NIT1: variants seen among roughly 807,000 people sequenced by gnomAD.
NIT1 encodes deaminated glutathione amidase.
NIT1 carries 30 observed loss-of-function variants against 36.8 expected under a neutral mutation model. That is an observed-to-expected ratio of 0.82 (90% CI 0.61 to 1.11). The LOEUF (loss-of-function observed/expected upper bound fraction) is 1.11, where lower values mean the gene tolerates loss of function less well. NIT1 is among the 50% of genes least tolerant of loss of function. The pLI is 0.00. For missense variants in NIT1, 438 were observed against 410.6 expected, an observed-to-expected ratio of 1.07 and a Z score of -0.58; for synonymous variants, 151 against 155.6, an observed-to-expected ratio of 0.97 and a Z score of 0.22.
chr1:161,118,336 G>A, intron 1 of NIT1, 158 bp downstream of exon 1: 1 of 1,526,094 alleles, frequency 6.6e-7, no homozygotes, highest in Non-Finnish European at 8.8e-7. Context: ...TGGGGCCTGG[G>A]TTCCTTTGCC....
Position 161,119,193 on chromosome 1 carries a change from A to G in NIT1, c.158A>G (p.Gln53Arg). The change falls in exon 3 of 7, where the codon CAG becomes CGG. Residue 53 changes from glutamine to arginine, a missense_variant. Coordinates refer to ENST00000368009, the MANE Select transcript of NIT1 (RefSeq NM_005600.3). ...GAACTGCCCCTGGTGGCTGTGTGCC[A>G]GGTAACATCGACGCCAGACAAGCAA... ...SCELPLVAVC[Q>R]VTSTPDKQQN... 6.2e-6 allele frequency: 10 copies of G among 1,614,182 alleles called. No homozygotes were observed. Among genetic ancestry groups the G allele is most frequent in the Non-Finnish European group, 7.6e-6 (9 of 1,180,036 alleles).
downstream of NIT1, chr1:161,122,959 G>T: frequency 1.3e-6 from 2 of 1,596,954 alleles, no homozygotes; most frequent in Non-Finnish European, 1.7e-6. This position sits in a 1 kb window ranked among gnomAD's most constrained non-coding sequence, Gnocchi z 4.2. Flanking sequence ...GCCTCACTTT[G>T]CAATGGCAAT....
chr1:161,122,673 G>T, downstream of NIT1: 2 of 1,106,476 alleles, frequency 1.8e-6, no homozygotes, highest in Non-Finnish European at 2.5e-6. This position sits in a 1 kb window ranked among gnomAD's most constrained non-coding sequence, Gnocchi z 4.2. Flanking sequence ...CTATTTCTAT[G>T]TATCTCTGAA....
In NIT1 at chr1:161,119,868, T is replaced by A. The variant is rs1196076882; in HGVS notation, c.507T>A (p.Ile169=). The A allele has an allele frequency of 1.2e-6, 2 of 1,612,918 alleles. No individual in the cohort carries two copies. Among genetic ancestry groups the A allele is most frequent in the Admixed American group, 3.3e-5 (2 of 59,870 alleles). Residue 169 remains isoleucine, a synonymous_variant, in exon 5 of 7, where the codon ATT becomes ATA. Transcript: ENST00000368009. ...YRKTHLCDVE[I]PGQGPMCESN... is the part of the protein sequence containing the mutation. ...AGACACATCTGTGTGACGTAGAGAT[T>A]CCAGGGCAGGGGCCTATGTGTGAAA...
downstream of NIT1, chr1:161,121,309 A>G: frequency 2.5e-6 from 1 of 398,954 alleles, no homozygotes; most frequent in Non-Finnish European, 3.4e-6. Context: ...CCAAGCCAGA[A>G]GAAAGCAAAG....
downstream of NIT1, chr1:161,122,649 C>A (rs1655638025): frequency 2.4e-6 from 3 of 1,227,060 alleles, no homozygotes; most frequent in Non-Finnish European, 3.4e-6. This position sits in a 1 kb window ranked among gnomAD's most constrained non-coding sequence, Gnocchi z 4.2. Flanking sequence ...AGCTTCTCTA[C>A]CTCTTCCCCA....
In NIT1 at chr1:161,118,152, T is replaced by TG. The variant is rs1655032882; in HGVS notation, c.-24dup. 1 of 1,613,898 alleles carries TG rather than the reference T, an allele frequency of 6.2e-7. No individual in the cohort carries two copies. Among genetic ancestry groups the TG allele is most frequent in the African/African-American group, 1.3e-5 (1 of 74,942 alleles). On this transcript the variant is annotated 5_prime_UTR_variant, in exon 1 of 7. Coordinates refer to ENST00000368009, the MANE Select transcript of NIT1 (RefSeq NM_005600.3). ...CCAGACCGCCCTCCGGATCGGACCC[T>TG]GCGAATGGTTTTGGCTATATCTTCA...
In NIT1 at chr1:161,118,231, TTA is replaced by T. The variant is rs1655044345; in HGVS notation, c.2+54_2+55del. 4.3e-6 allele frequency: 7 copies of T among 1,613,798 alleles called. No homozygotes were observed. The African/African-American group carries it at 9.3e-5, about 22-fold the overall frequency. ...CGCGGTGAATCCCACCTGCGGTGCT[TTA>T]ACTTGTGTAACAGAGATGCTGCCTC... On this transcript the variant is annotated intron_variant, in intron 1 of 6. Transcript: ENST00000368009.
At chr1:161,121,655 A>T (rs1163468463), downstream of NIT1, 1 of 154,958 alleles carries the variant, frequency 6.5e-6, no homozygotes, top group Non-Finnish European at 1.4e-5. Context: ...GCTTGTTTTT[A>T]AAAAATTCTA....
downstream of NIT1, chr1:161,122,075 C>T: frequency 2.7e-6 from 4 of 1,483,380 alleles, no homozygotes; most frequent in South Asian, 3.9e-5. This position sits in a 1 kb window ranked among gnomAD's most constrained non-coding sequence, Gnocchi z 4.2. Flanking sequence ...GGGTAGAGAA[C>T]AAACCCCAGA....
downstream of NIT1, chr1:161,122,123 C>T (rs887692194): frequency 6.2e-7 from 1 of 1,609,654 alleles, no homozygotes; most frequent in African/African-American, 1.3e-5. The surrounding 1 kb of genome is among the most constrained non-coding windows in gnomAD (Gnocchi z 4.2). Context: ...GGGAACAGTC[C>T]CCAAAGTGAG....
chr1:161,118,466 G>A (rs539801933), intron 1 of NIT1: 6 of 1,536,204 alleles, frequency 3.9e-6, no homozygotes, highest in Non-Finnish European at 5.2e-6. Flanking sequence ...GTCAAGGAGA[G>A]AGTCTTGGGA....
downstream of NIT1, chr1:161,123,721 TGG>T: frequency 3.5e-6 from 3 of 849,736 alleles, no homozygotes; most frequent in African/African-American, 1.7e-5. Flanking sequence ...TTTTTTTTTA[TGG>T]GGCAAGATGT....
Position 161,119,375 on chromosome 1 carries a change from A to T in NIT1, c.340A>T (p.Thr114Ser). Residue 114 changes from threonine (T) to serine (S), a missense_variant, in exon 3 of 7, where the codon ACC becomes TCC. Thr to Ser is a moderately conservative substitution (Grantham distance 58). Coordinates refer to ENST00000368009, the MANE Select transcript of NIT1 (RefSeq NM_005600.3). ...PLGGKLLEEY[T>S]QLARECGLWL... ...GGGTGGGAAACTTTTGGAAGAATAC[A>T]CCCAGCTTGCCAGGTATCAGGGAAA... 6.2e-7 allele frequency: 1 copy of T among 1,613,796 alleles called. No individual in the cohort carries two copies. The highest frequency in any genetic ancestry group is 8.5e-7 in the Non-Finnish European group (1 of 1,179,752).
intron 1 of NIT1, 119 bp from the exon 2 acceptor site, chr1:161,118,667 C>A: frequency 6.7e-7 from 1 of 1,498,168 alleles, no homozygotes; most frequent in Non-Finnish European, 9.1e-7. Flanking sequence ...GTTTTGAAGA[C>A]TAGGTTTTTA....
Position 161,119,688 on chromosome 1 carries a change from CTT to C in NIT1, c.457+77_457+78del. ...GATTCTCCAGAATTGTTTCTCAACT[CTT>C]ATTTCCTTGACCCAAGGATTTAGGG... On this transcript the variant is annotated intron_variant, in intron 4 of 6. Coordinates refer to ENST00000368009, the MANE Select transcript of NIT1 (RefSeq NM_005600.3). 3 of 1,587,598 alleles carry C rather than the reference CTT, an allele frequency of 1.9e-6. No homozygotes were observed. In the Admixed American group the frequency reaches 5.0e-5, roughly 27 times the overall value.
chr1:161,118,801 C>T lies in NIT1; in HGVS notation c.18C>T (p.Thr6=), dbSNP rs370075499. 2.5e-6 allele frequency: 4 copies of T among 1,613,622 alleles called. No individual in the cohort carries two copies. The African/African-American group carries it at 5.3e-5, about 22-fold the overall frequency. The change falls in exon 2 of 7, where the codon ACC becomes ACT. Residue 6 remains threonine (T), a synonymous_variant. Transcript: ENST00000368009. ...CCTTCCTCAGGCTGGGCTTCATCAC[C>T]AGGCCTCCTCACAGATTCCTGTCCC... MLGFI[T]RPPHRFLSLL... is the part of the protein sequence containing the mutation.
In NIT1 at chr1:161,120,801, A is replaced by AC; in HGVS notation, c.*41dup. ...CTGTGAGTTTAGACCTGCCCCTCCC[A>AC]CCCCCACCCTGCCACTATGAGCTAG... On this transcript the variant is annotated 3_prime_UTR_variant, in exon 7 of 7. Coordinates refer to ENST00000368009, the MANE Select transcript of NIT1 (RefSeq NM_005600.3). 9.0e-7 allele frequency: 1 copy of AC among 1,106,412 alleles called. No homozygotes were observed. Among genetic ancestry groups the AC allele is most frequent in the East Asian group, 2.6e-5 (1 of 37,868 alleles). The allele number at this position is 1,106,412 out of a possible 1,614,324, so 68.5% of individuals were successfully genotyped here. A position where few individuals can be genotyped will look rare whatever the true frequency, so the allele number is the denominator to read the frequency against.
Position 161,119,593 on chromosome 1 carries a change from C to A in NIT1, c.438C>A (p.His146Gln), listed in dbSNP as rs145321109. 6.2e-7 allele frequency: 1 copy of A among 1,614,012 alleles called. No homozygotes were observed. The highest frequency in any genetic ancestry group is 1.3e-5 in the African/African-American group (1 of 74,914). Reference protein sequence around the residue: ...WEQTQKIYNCHVLLNSKGAVV... With the variant: ...WEQTQKIYNCQVLLNSKGAVV... ...AGACTCAGAAAATCTACAATTGTCACGTGCTGCTGAACAGCAAAGGTGAGA... is the reference window on the plus strand; with the variant it reads ...AGACTCAGAAAATCTACAATTGTCAAGTGCTGCTGAACAGCAAAGGTGAGA... Residue 146 changes from histidine to glutamine, a missense_variant, in exon 4 of 7, where the codon CAC (histidine) becomes CAA (glutamine). By Grantham distance (24) the His-to-Gln change is conservative. Transcript: ENST00000368009.
Sources: allele counts gnomAD v4.1 joint callset, GRCh38; gene constraint gnomAD v4.1.1; non-coding constraint Gnocchi (gnomAD v3.1); transcripts MANE v1.5; gene names NCBI Gene and HGNC (gene_info 2026-07-23, HGNC 2026-07-21).